ERBB4: variants seen among roughly 807,000 people sequenced by gnomAD.
The protein encoded by ERBB4 is erb-b2 receptor tyrosine kinase 4.
Under a neutral mutation model 158.0 loss-of-function variants are expected in ERBB4, and 42 were observed. That is an observed-to-expected ratio of 0.27 (90% CI 0.21 to 0.34). The LOEUF is 0.34. ERBB4 is among the 10% of genes least tolerant of loss of function. The probability of loss-of-function intolerance (pLI) is 1.00; values close to 1 mark genes in which losing one functional copy is unlikely to be tolerated. For missense variants in ERBB4, 1,333 were observed against 1,624.1 expected (o/e 0.82, Z 3.08); for synonymous variants, 583 against 558.7 (o/e 1.04, Z -0.61).
chr2:211,786,989 A>G (rs1380367998), intron 4 of ERBB4, among the ~76,000 whole-genome samples: 7 of 152,342 alleles, frequency 4.6e-5, no homozygotes, highest in East Asian at 1.9e-4. Flanking sequence ...TACTTTTTAC[A>G]TAAAGTTTTA....
intron 1 of ERBB4, among the ~76,000 whole-genome samples, chr2:212,242,456 C>T (rs2084144862): frequency 6.6e-6 from 1 of 151,990 alleles, no homozygotes; most frequent in Non-Finnish European, 1.5e-5. Flanking sequence ...TTATAATAAA[C>T]AATCTCTCAT....
At chr2:212,290,718 G>C (rs2086175230) in intron 1 of ERBB4, among the ~76,000 whole-genome samples, 1 of 152,026 alleles carries the variant, frequency 6.6e-6, no homozygotes, top group African/African-American at 2.4e-5. Flanking sequence ...TGTGTGAGTA[G>C]AGAAATCACA....
intron 3 of ERBB4, among the ~76,000 whole-genome samples, chr2:211,834,686 C>T (rs756253774): frequency 6.6e-6 from 1 of 152,014 alleles, no homozygotes; most frequent in Admixed American, 6.6e-5. Context: ...TGGGCCAGTA[C>T]AAGGCCTGGA....
At chr2:212,108,706 C>CTTTT (rs775193964) in intron 2 of ERBB4, among the ~76,000 whole-genome samples, 8,355 of 96,918 alleles carry the variant, frequency 0.086, 694 homozygotes, top group African/African-American at 0.15. Flanking sequence ...AATGGGTCTG[C>CTTTT]TTTTTTTTTT....
At chr2:211,678,315 AAAC>A (rs1449773180) in intron 13 of ERBB4, among the ~76,000 whole-genome samples, 1,574 of 18,004 alleles carry the variant, frequency 0.087, 39 homozygotes, top group African/African-American at 0.17. Context: ...AAAAACAAAC[AAAC>A]AAAAAAAAAA....
At chr2:211,413,016 C>T (rs1363532326) in intron 25 of ERBB4, among the ~76,000 whole-genome samples, 1 of 151,392 alleles carries the variant, frequency 6.6e-6, no homozygotes, top group African/African-American at 2.4e-5. Context: ...TCTACTTAGG[C>T]CCAGTGCTGT....
intron 3 of ERBB4, among the ~76,000 whole-genome samples, chr2:211,805,913 TGAA>T (rs1323944682): frequency 2.7e-5 from 4 of 150,528 alleles, no homozygotes; most frequent in African/African-American, 4.9e-5. Context: ...TTAACAAAAT[TGAA>T]GAAGTCTCCT....
chr2:211,394,576 C>A lies in ERBB4; in HGVS notation c.3136-6584G>T, dbSNP rs187052609. Among the ~76,000 whole-genome samples the A allele has an allele frequency of 4.0e-3, 608 of 152,154 alleles. 4 individuals carry two copies. The highest frequency in any genetic ancestry group is 0.014 in the African/African-American group (574 of 41,530). On this transcript the variant is annotated intron_variant, in intron 25 of 27. Transcript: ENST00000342788. ...CAGTTAGAGAGGGTAGGCTCTTTTT[C>A]TTTCTTTCTTTTTTAATGTATGCTT...
chr2:212,456,131 A>T (rs544068368), intron 1 of ERBB4, among the ~76,000 whole-genome samples: 7 of 152,288 alleles, frequency 4.6e-5, no homozygotes, highest in African/African-American at 1.7e-4. Context: ...CCTCTAGAGC[A>T]TTTTTAAAAT....
chr2:211,550,661 G>A (rs2067066211), intron 20 of ERBB4, among the ~76,000 whole-genome samples: 2 of 135,518 alleles, frequency 1.5e-5, no homozygotes, highest in Admixed American at 7.5e-5. Context: ...GAATATATAG[G>A]TATATATATT....
chr2:211,705,120 C>T (rs1292420844), intron 10 of ERBB4, among the ~76,000 whole-genome samples, 198 bp downstream of exon 10: 1 of 151,996 alleles, frequency 6.6e-6, no homozygotes, highest in Non-Finnish European at 1.5e-5. Flanking sequence ...CCACACCCAG[C>T]TAATTTTTGT....
At chr2:211,770,465 C>T (rs897318015) in intron 4 of ERBB4, among the ~76,000 whole-genome samples, 2 of 152,098 alleles carry the variant, frequency 1.3e-5, no homozygotes, top group Admixed American at 1.3e-4. Context: ...TGTCTTTCTC[C>T]ATCTATTATG....
chr2:212,142,714 G>A (rs971431821), intron 1 of ERBB4, among the ~76,000 whole-genome samples: 4 of 151,104 alleles, frequency 2.6e-5, no homozygotes, highest in Admixed American at 6.6e-5. Flanking sequence ...AGACAGAAAT[G>A]GAATGAGACT....
rs565920032 is a variant in ERBB4, at chr2:211,904,370, G to T, written c.421+43060C>A. 1.3e-4 allele frequency among the ~76,000 whole-genome samples: 20 copies of T among 152,156 alleles called. No homozygotes were observed. The South Asian group carries it at 4.1e-3, about 32-fold the overall frequency. ...GATTTTTCAATTTCTAACAATCCAA[G>T]ATTTTAAAGCATAAATGGACCCATA... On this transcript the variant is annotated intron_variant, in intron 3 of 27. Coordinates refer to ENST00000342788, the MANE Select transcript of ERBB4 (RefSeq NM_005235.3).
chr2:211,727,029 G>T (rs1274296402), intron 5 of ERBB4, among the ~76,000 whole-genome samples: 10 of 152,098 alleles, frequency 6.6e-5, no homozygotes, highest in Non-Finnish European at 1.5e-4. Flanking sequence ...GGAAATACTT[G>T]CTCTGAAACC....
intron 5 of ERBB4, among the ~76,000 whole-genome samples, chr2:211,745,573 T>C (rs185247419): frequency 2.6e-5 from 4 of 152,198 alleles, no homozygotes; most frequent in African/African-American, 4.8e-5. Context: ...CAGATTTAAA[T>C]TGGAATAAGT....
At position 211,462,665 on chromosome 2, in the gene ERBB4, C is replaced by T. The variant is rs149364280; in HGVS notation, c.2488-31565G>A. 2.5e-3 allele frequency among the ~76,000 whole-genome samples: 374 copies of T among 152,302 alleles called. 2 individuals carry two copies. The highest frequency in any genetic ancestry group is 8.1e-3 in the African/African-American group (338 of 41,582). ...TCTTACTTTATAATGGGCTGTTACACTTCTTAGGATTCCTAGAAAAATTAC... is the reference window on the plus strand; with the variant it reads ...TCTTACTTTATAATGGGCTGTTACATTTCTTAGGATTCCTAGAAAAATTAC... On this transcript the variant is annotated intron_variant, in intron 20 of 27. Transcript: ENST00000342788.
At chr2:211,908,112 A>T (rs1337157013) in intron 3 of ERBB4, among the ~76,000 whole-genome samples, 1 of 151,666 alleles carries the variant, frequency 6.6e-6, no homozygotes, top group African/African-American at 2.4e-5. Context: ...AACACAAGAG[A>T]GGGGAGGCAT....
chr2:211,941,343 C>T (rs987607335), intron 3 of ERBB4, among the ~76,000 whole-genome samples: 4 of 150,992 alleles, frequency 2.6e-5, no homozygotes, highest in Non-Finnish European at 5.9e-5. Flanking sequence ...GTTAAACATT[C>T]TGTTTAACAA....
Sources: gnomAD v4.1 joint callset for allele counts (sites outside exome capture counted in the v4.1 genomes callset) on GRCh38, gnomAD v4.1.1 for gene constraint, MANE v1.5 for transcripts, NCBI Gene and HGNC (gene_info 2026-07-23, HGNC 2026-07-21) for gene names.